Variants in KIF21A observed in about 807,000 individuals in gnomAD.
The protein encoded by KIF21A is kinesin family member 21A.
Under a neutral mutation model 202.9 loss-of-function variants are expected in KIF21A, and 114 were observed. The ratio of observed to expected loss-of-function variants is 0.56; its 90% confidence interval spans 0.48 to 0.66. KIF21A has a LOEUF of 0.66. Among genes scored for constraint, KIF21A ranks in the 30% least tolerant of loss-of-function variants. The pLI, the probability that KIF21A is intolerant of heterozygous loss-of-function variation, is 0.00. For missense variants in KIF21A, 1,677 were observed against 1,994.9 expected (o/e 0.84, Z 3.04); for synonymous variants, 667 against 670.8 (o/e 0.99, Z 0.09).
chr12:39,348,077 A>T (rs1350498204), intron 11 of KIF21A, among the ~76,000 whole-genome samples: 1 of 152,094 alleles, frequency 6.6e-6, no homozygotes, highest in East Asian at 1.9e-4. Flanking sequence ...ATTAAAATAT[A>T]CAGTTGACAT....
chr12:39,394,059 C>G (rs988416899), intron 1 of KIF21A, among the ~76,000 whole-genome samples: 1 of 152,202 alleles, frequency 6.6e-6, no homozygotes, highest in African/African-American at 2.4e-5. Flanking sequence ...TACTACTAAA[C>G]CAATCTGCAG....
intron 16 of KIF21A, among the ~76,000 whole-genome samples, chr12:39,338,813 T>G (rs1052412801): frequency 6.6e-6 from 1 of 152,152 alleles, no homozygotes; most frequent in Non-Finnish European, 1.5e-5. Context: ...AAAACTTAAT[T>G]GTTAAAAGAA....
In KIF21A at chr12:39,304,845, A is replaced by G. The variant is rs144103791; in HGVS notation, c.4536T>C (p.Thr1512=). 5.9e-4 allele frequency: 928 copies of G among 1,583,592 alleles called. 8 individuals carry two copies. The East Asian group carries it at 0.016, about 28-fold the overall frequency. The change falls in exon 35 of 38, where the codon ACT becomes ACC. Residue 1512 remains threonine, a synonymous_variant. Transcript: ENST00000361418. The part of the protein sequence containing the change: ...QISSGQDLII[T]GSKDHYIKMF... ...CTTTGATGTAATGATCCTTGGAGCC[A>G]GTGATGATTAGATCTTGTCCACTGG...
chr12:39,315,158 G>T, intron 31 of KIF21A, 71 bp downstream of exon 31: 1 of 1,397,340 alleles, frequency 7.2e-7, no homozygotes, highest in Non-Finnish European at 1.0e-6. Flanking sequence ...ACTTATTTTT[G>T]TTCCATGCAA....
At chr12:39,421,742 T>TATATATATAC (rs1555200427) in intron 1 of KIF21A, among the ~76,000 whole-genome samples, 2 of 143,018 alleles carry the variant, frequency 1.4e-5, no homozygotes, top group African/African-American at 5.1e-5. Flanking sequence ...TATATATATA[T>TATATATATAC]ACACATACAC....
chr12:39,353,507 C>T (rs560831540), intron 10 of KIF21A, among the ~76,000 whole-genome samples: 1 of 152,108 alleles, frequency 6.6e-6, no homozygotes, highest in African/African-American at 2.4e-5. Flanking sequence ...GATTATCAAA[C>T]AACAGAAAAG....
chr12:39,339,473 G>T (rs1947268723), intron 16 of KIF21A, among the ~76,000 whole-genome samples: 1 of 152,084 alleles, frequency 6.6e-6, no homozygotes. Flanking sequence ...TACACTCCAT[G>T]ATGTTTGCAC....
chr12:39,333,222 T>C lies in KIF21A; in HGVS notation c.2477A>G (p.Lys826Arg). ...KRNQEVVLRRKTEEVTALRRQ... is the reference protein window; with the variant it reads ...KRNQEVVLRRRTEEVTALRRQ... Reference sequence around the variant, plus strand: ...GCTTGCTTACTGTACCTCTTCAGTTTTGCGACGTAGAACCACTTCTTGGTT... The same window carrying C: ...GCTTGCTTACTGTACCTCTTCAGTTCTGCGACGTAGAACCACTTCTTGGTT... The change falls in exon 18 of 38, where the codon AAA becomes AGA. Residue 826 changes from lysine to arginine, a missense_variant. This residue lies in a region of KIF21A where 966 missense variants were observed against 1,180.9 expected (regional missense o/e 0.82). Coordinates refer to ENST00000361418, the MANE Select transcript of KIF21A (RefSeq NM_001173464.2). The C allele has an allele frequency of 6.2e-7, 1 of 1,613,880 alleles. No individual in the cohort carries two copies. The highest frequency in any genetic ancestry group is 8.5e-7 in the Non-Finnish European group (1 of 1,179,730).
At chr12:39,337,058 C>A (rs755989455) in intron 17 of KIF21A, 38 bp downstream of exon 17, 2 of 1,378,478 alleles carry the variant, frequency 1.5e-6, no homozygotes, top group Non-Finnish European at 2.1e-6. Context: ...TTTCAACGTA[C>A]AATTTTCTTA....
chr12:39,295,530 A>G (rs1038156147), intron 37 of KIF21A, among the ~76,000 whole-genome samples: 4 of 152,100 alleles, frequency 2.6e-5, no homozygotes, highest in African/African-American at 4.8e-5. Context: ...CTAGATTGTA[A>G]TCAGTTATCT....
At position 39,355,721 on chromosome 12, in the gene KIF21A, A is replaced by C. The variant is rs1003616225; in HGVS notation, c.1469+1111T>G. 8.9e-4 allele frequency among the ~76,000 whole-genome samples: 127 copies of C among 143,228 alleles called. 5 individuals carry two copies. The highest frequency in any genetic ancestry group is 1.7e-3 in the Non-Finnish European group (114 of 66,536). 94.0% of individuals were successfully genotyped at this position (143,228 alleles called of 152,430 possible). ...AGCATGAACAATTATATATATATAT[A>C]TATATATATATATGTTATATGCATA... On this transcript the variant is annotated intron_variant, in intron 10 of 37. Coordinates refer to ENST00000361418, the MANE Select transcript of KIF21A (RefSeq NM_001173464.2).
rs2140539196 is a variant in KIF21A, at chr12:39,442,824, T to G, written c.44+103A>C. 3.6e-6 allele frequency: 5 copies of G among 1,394,868 alleles called. No individual in the cohort carries two copies. The highest frequency in any genetic ancestry group is 4.8e-6 in the Non-Finnish European group (5 of 1,031,218). The allele number at this position is 1,394,868 out of a possible 1,614,324, so 86.4% of individuals were successfully genotyped here. On this transcript the variant is annotated intron_variant, in intron 1 of 37. Transcript: ENST00000361418. This position sits in a 1 kb window ranked among gnomAD's most constrained non-coding sequence, Gnocchi z 5.0. ...CCGCAGAACCCGGCCGGGACGCCCC[T>G]CAGGTCGCTCCACCCCGGTAGCCGG... is the stretch of plus-strand genomic sequence containing the variant.
intron 32 of KIF21A, 26 bp from the exon 33 acceptor site, chr12:39,309,792 A>T: frequency 6.3e-7 from 1 of 1,586,992 alleles, no homozygotes; most frequent in Non-Finnish European, 8.6e-7. Flanking sequence ...AAAAAAAAGA[A>T]AACACCATTA....
At chr12:39,365,627 A>G (rs1949544477) in intron 6 of KIF21A, among the ~76,000 whole-genome samples, 1 of 152,244 alleles carries the variant, frequency 6.6e-6, no homozygotes, top group Non-Finnish European at 1.5e-5. Context: ...TTACTAAAAA[A>G]AATTACAATT....
At chr12:39,374,227 C>T (rs1244180941) in intron 1 of KIF21A, among the ~76,000 whole-genome samples, 1 of 152,104 alleles carries the variant, frequency 6.6e-6, no homozygotes, top group African/African-American at 2.4e-5. Context: ...AAAACTATTA[C>T]TTGAGGTTCT....
At chr12:39,330,364 A>G (rs1946407481) in intron 23 of KIF21A, 102 bp from the exon 24 acceptor site, 3 of 1,021,132 alleles carry the variant, frequency 2.9e-6, no homozygotes, top group Non-Finnish European at 4.6e-6. Flanking sequence ...TACCATTTAC[A>G]TGTAGAATAG....
intron 4 of KIF21A, 111 bp from the exon 5 acceptor site, chr12:39,367,275 G>A: frequency 1.7e-6 from 2 of 1,148,028 alleles, no homozygotes; most frequent in Non-Finnish European, 2.6e-6. Flanking sequence ...TATAAAAGAT[G>A]TGGAATTTCA....
At chr12:39,418,796 T>C (rs903691732) in intron 1 of KIF21A, among the ~76,000 whole-genome samples, 1 of 152,232 alleles carries the variant, frequency 6.6e-6, no homozygotes, top group Non-Finnish European at 1.5e-5. Context: ...ATTTATGTGA[T>C]ACAATTAGTG....
rs1312577164 is a variant in KIF21A at position 39,309,717 on chromosome 12, T to C, written c.4146A>G (p.Ser1382=). 1 of 1,613,354 alleles carries C rather than the reference T, an allele frequency of 6.2e-7. No individual in the cohort carries two copies. The highest frequency in any genetic ancestry group is 1.3e-5 in the African/African-American group (1 of 74,988). The part of the protein sequence containing the change: ...WNLVTGQEIM[S]LGGHPNNVVS... Reference sequence around the variant, plus strand: ...CGACATTGTTGGGATGACCCCCCAGTGACATTATTTCCTGCCCAGTCACCA... The same window carrying C: ...CGACATTGTTGGGATGACCCCCCAGCGACATTATTTCCTGCCCAGTCACCA... Residue 1382 remains serine, a synonymous_variant, in exon 33 of 38, where the codon TCA becomes TCG. Transcript: ENST00000361418.
Sources: gnomAD v4.1 joint callset for allele counts (sites outside exome capture counted in the v4.1 genomes callset) on GRCh38, gnomAD v4.1.1 for gene constraint, gnomAD v4.1.1 regional missense constraint, Gnocchi (gnomAD v3.1) non-coding constraint, MANE v1.5 for transcripts, NCBI Gene and HGNC (gene_info 2026-07-23, HGNC 2026-07-21) for gene names.